The following TAS2R60 variants were observed in gnomAD, a reference collection of about 807,000 sequenced individuals.
The protein encoded by TAS2R60 is taste receptor type 2 member 60.
In TAS2R60, 16 loss-of-function variants were observed where a neutral mutation model predicts 19.5. The ratio of observed to expected loss-of-function variants is 0.82; its 90% CI spans 0.55 to 1.24. The LOEUF (loss-of-function observed/expected upper bound fraction) is 1.24. Ranked by LOEUF, TAS2R60 falls within the 50% of genes most tolerant of loss-of-function variation. The pLI, the probability that TAS2R60 is intolerant of heterozygous loss-of-function variation, is 0.00. For synonymous variants in TAS2R60, 141 were observed against 143.3 expected (o/e 0.98, Z 0.11); for missense variants, 362 against 382.7 (o/e 0.95, Z 0.45).
chr7:143,443,720 A>C lies in TAS2R60; in HGVS notation c.268A>C (p.Asn90His), dbSNP rs1331421465. Residue 90 changes from asparagine (N) to histidine (H), a missense_variant, in exon 1 of 1, where the codon AAC becomes CAC. By Grantham distance (68) the Asn-to-His change is moderately conservative. Transcript: ENST00000332690. ...VFLHPMAFPY[N>H]PVLQFLAFQW... is the part of the protein sequence containing the mutation. ...CTTGCATCCGATGGCCTTCCCATAC[A>C]ACCCTGTACTGCAGTTTCTAGCTTT... The C allele has an allele frequency of 6.2e-7, 1 of 1,614,156 alleles. No individual in the cohort carries two copies. The highest frequency in any genetic ancestry group is 1.3e-5 in the African/African-American group (1 of 75,016).
At position 143,444,225 on chromosome 7, in the gene TAS2R60, C is replaced by T; in HGVS notation, c.773C>T (p.Ser258Leu). ...ALLSFAMLFI[S>L]YFLSLVFSAA... ...CTCTCTTTTGCCATGCTCTTCATCT[C>T]ATATTTCCTGTCACTGGTGTTCAGT... The change falls in exon 1 of 1, where the codon TCA becomes TTA. Residue 258 changes from serine to leucine, a missense_variant. By Grantham distance (145) the Ser-to-Leu change is moderately radical (BLOSUM62 -2). Transcript: ENST00000332690. The T allele has an allele frequency of 6.2e-7, 1 of 1,614,162 alleles. No individual in the cohort carries two copies. The highest frequency in any genetic ancestry group is 8.5e-7 in the Non-Finnish European group (1 of 1,180,038).
the TAS2R60 span, chr7:143,443,660 C>T: frequency 6.2e-7 from 1 of 1,614,132 alleles, no homozygotes; most frequent in Admixed American, 1.7e-5. Flanking sequence ...CTTCTGTCTG[C>T]AGTCAGTGGT....
rs535583913 is a variant in TAS2R60 at position 143,443,847 on chromosome 7, G to C, written c.395G>C (p.Trp132Ser). ...IATFTHPVFF[W>S]LKHKLSGWLP... ...ACCTTCACCCACCCTGTCTTCTTCT[G>C]GCTAAAGCACAAGTTGTCTGGGTGG... is the stretch of plus-strand genomic sequence containing the variant. The change falls in exon 1 of 1, where the codon TGG becomes TCG. Residue 132 changes from tryptophan to serine, a missense_variant. Coordinates refer to ENST00000332690, the MANE Select transcript of TAS2R60 (RefSeq NM_177437.1). The C allele has an allele frequency of 3.2e-5, 51 of 1,612,890 alleles. No individual in the cohort carries two copies. In the South Asian group the frequency reaches 5.1e-4, roughly 16 times the overall value.
rs1806407518 is a variant in TAS2R60, at chr7:143,443,878, A to G, written c.426A>G (p.Pro142=). 6.2e-7 allele frequency: 1 copy of G among 1,613,764 alleles called. No homozygotes were observed. Residue 142 remains proline, a synonymous_variant, in exon 1 of 1, where the codon CCA becomes CCG. Transcript: ENST00000332690. ...WLKHKLSGWL[P]WMLFSSVGLS... The stretch of plus-strand genomic sequence containing the variant: ...AGCACAAGTTGTCTGGGTGGCTACC[A>G]TGGATGCTCTTCAGCTCTGTAGGGC...
rs1384690418 is a variant in TAS2R60 at position 143,444,257 on chromosome 7, G to T, written c.805G>T (p.Gly269Cys). Residue 269 changes from glycine to cysteine, a missense_variant, in exon 1 of 1, where the codon GGT (glycine) becomes TGT (cysteine). Physicochemically the swap from Gly to Cys is radical, Grantham distance 159 (BLOSUM62 -3). Transcript: ENST00000332690. The part of the protein sequence containing the change: ...YFLSLVFSAA[G>C]IFPPLDFKFW... Reference sequence around the variant, plus strand: ...CCTGTCACTGGTGTTCAGTGCTGCAGGTATTTTTCCACCTCTGGACTTTAA... The same window carrying T: ...CCTGTCACTGGTGTTCAGTGCTGCATGTATTTTTCCACCTCTGGACTTTAA... The T allele has an allele frequency of 1.9e-6, 3 of 1,613,986 alleles. No homozygotes were observed. The African/African-American group carries it at 4.0e-5, about 22-fold the overall frequency.
Position 143,443,467 on chromosome 7 carries a change from C to T in TAS2R60, c.15C>T (p.His5=). MNGD[H]MVLGSSVTDK... Reference sequence around the variant, plus strand: ...CCACCAGAGAGATGAATGGAGACCACATGGTTCTAGGATCTTCGGTGACTG... The same window carrying T: ...CCACCAGAGAGATGAATGGAGACCATATGGTTCTAGGATCTTCGGTGACTG... The change falls in exon 1 of 1, where the codon CAC becomes CAT. Residue 5 remains histidine, a synonymous_variant. Transcript: ENST00000332690. The T allele has an allele frequency of 6.2e-7, 1 of 1,608,880 alleles. No individual in the cohort carries two copies. The highest frequency in any genetic ancestry group is 1.1e-5 in the South Asian group (1 of 90,084).
rs148979644 is a variant in TAS2R60 at position 143,443,648 on chromosome 7, C to T, written c.196C>T (p.Arg66Cys). ...GTTATTGGTTAGCCTAGGGGCCTCT[C>T]GCTTCTGTCTGCAGTCAGTGGTAAT... ...DKLLVSLGAS[R>C]FCLQSVVMGK... The change falls in exon 1 of 1, where the codon CGC becomes TGC. Residue 66 changes from arginine (R) to cysteine (C), a missense_variant. Physicochemically the swap from Arg to Cys is radical, Grantham distance 180. Transcript: ENST00000332690. The T allele has an allele frequency of 1.2e-5, 20 of 1,614,114 alleles. No individual in the cohort carries two copies. The African/African-American group carries it at 1.3e-4, about 11-fold the overall frequency.
Position 143,444,294 on chromosome 7 carries a change from G to C in TAS2R60, c.842G>C (p.Trp281Ser), listed in dbSNP as rs1485424360. Residue 281 changes from tryptophan to serine, a missense_variant, in exon 1 of 1, where the codon TGG becomes TCG. Coordinates refer to ENST00000332690, the MANE Select transcript of TAS2R60 (RefSeq NM_177437.1). Reference protein sequence around the residue: ...FPPLDFKFWVWESVIYLCAAV... With the variant: ...FPPLDFKFWVSESVIYLCAAV... ...CCTCTGGACTTTAAATTCTGGGTGTGGGAGTCAGTGATTTATCTGTGTGCA... is the reference window on the plus strand; with the variant it reads ...CCTCTGGACTTTAAATTCTGGGTGTCGGAGTCAGTGATTTATCTGTGTGCA... The C allele has an allele frequency of 6.2e-7, 1 of 1,614,030 alleles. No individual in the cohort carries two copies.
Position 143,443,650 on chromosome 7 carries a change from C to T in TAS2R60, c.198C>T (p.Arg66=), listed in dbSNP as rs779127762. 10 of 1,614,114 alleles carry T rather than the reference C, an allele frequency of 6.2e-6. No individual in the cohort carries two copies. In the South Asian group the frequency reaches 9.9e-5, roughly 16 times the overall value. The change falls in exon 1 of 1, where the codon CGC becomes CGT. Residue 66 remains arginine (R), a synonymous_variant. Coordinates refer to ENST00000332690, the MANE Select transcript of TAS2R60 (RefSeq NM_177437.1). ...TATTGGTTAGCCTAGGGGCCTCTCG[C>T]TTCTGTCTGCAGTCAGTGGTAATGG... is the stretch of plus-strand genomic sequence containing the variant. ...DKLLVSLGAS[R]FCLQSVVMGK...
At position 143,443,692 on chromosome 7, in the gene TAS2R60, T is replaced by G; in HGVS notation, c.240T>G (p.Val80=). 1 of 1,614,146 alleles carries G rather than the reference T, an allele frequency of 6.2e-7. No homozygotes were observed. The highest frequency in any genetic ancestry group is 8.5e-7 in the Non-Finnish European group (1 of 1,180,018). The change falls in exon 1 of 1, where the codon GTT becomes GTG. Residue 80 remains valine (V), a synonymous_variant. Coordinates refer to ENST00000332690, the MANE Select transcript of TAS2R60 (RefSeq NM_177437.1). ...QSVVMGKTIY[V]FLHPMAFPYN... ...TGGTAATGGGTAAGACCATTTATGT[T>G]TTCTTGCATCCGATGGCCTTCCCAT...
chr7:143,443,462 G>T lies in TAS2R60; in HGVS notation c.10G>T (p.Asp4Tyr). MNG[D>Y]HMVLGSSVTD... ...CTTGTCCACCAGAGAGATGAATGGAGACCACATGGTTCTAGGATCTTCGGT... is the reference window on the plus strand; with the variant it reads ...CTTGTCCACCAGAGAGATGAATGGATACCACATGGTTCTAGGATCTTCGGT... Residue 4 changes from aspartate (D) to tyrosine (Y), a missense_variant, in exon 1 of 1, where the codon GAC (aspartate) becomes TAC (tyrosine). By Grantham distance (160) the Asp-to-Tyr change is radical. Transcript: ENST00000332690. 1 of 1,606,660 alleles carries T rather than the reference G, an allele frequency of 6.2e-7. No homozygotes were observed. Among genetic ancestry groups the T allele is most frequent in the South Asian group, 1.1e-5 (1 of 89,726 alleles).
rs575022021 is a variant in TAS2R60 at position 143,443,665 on chromosome 7, A to T, written c.213A>T (p.Ser71=). 6.2e-7 allele frequency: 1 copy of T among 1,614,160 alleles called. No individual in the cohort carries two copies. Among genetic ancestry groups the T allele is most frequent in the South Asian group, 1.1e-5 (1 of 91,076 alleles). Residue 71 remains serine, a synonymous_variant, in exon 1 of 1, where the codon TCA becomes TCT. Coordinates refer to ENST00000332690, the MANE Select transcript of TAS2R60 (RefSeq NM_177437.1). ...GGGCCTCTCGCTTCTGTCTGCAGTC[A>T]GTGGTAATGGGTAAGACCATTTATG... ...SLGASRFCLQ[S]VVMGKTIYVF... is the part of the protein sequence containing the mutation.
chr7:143,443,928 T>G lies in TAS2R60; in HGVS notation c.476T>G (p.Phe159Cys). ...CTCTCCAGCTTCACCACCATTCTAT[T>G]TTTCATAGGCAACCACAGAATGTAT... ...VGLSSFTTIL[F>C]FIGNHRMYQN... Residue 159 changes from phenylalanine (F) to cysteine (C), a missense_variant, in exon 1 of 1, where the codon TTT becomes TGT. By Grantham distance (205) the Phe-to-Cys change is radical. Transcript: ENST00000332690. 6.2e-7 allele frequency: 1 copy of G among 1,614,118 alleles called. No homozygotes were observed. Among genetic ancestry groups the G allele is most frequent in the Non-Finnish European group, 8.5e-7 (1 of 1,180,032 alleles).
At position 143,443,684 on chromosome 7, in the gene TAS2R60, A is replaced by T. The variant is rs1806402828; in HGVS notation, c.232A>T (p.Ile78Phe). ...CLQSVVMGKT[I>F]YVFLHPMAFP... is the part of the protein sequence containing the mutation. ...GCAGTCAGTGGTAATGGGTAAGACC[A>T]TTTATGTTTTCTTGCATCCGATGGC... The change falls in exon 1 of 1, where the codon ATT becomes TTT. Residue 78 changes from isoleucine (I) to phenylalanine (F), a missense_variant. By Grantham distance (21) the Ile-to-Phe change is conservative. Coordinates refer to ENST00000332690, the MANE Select transcript of TAS2R60 (RefSeq NM_177437.1). The T allele has an allele frequency of 6.2e-7, 1 of 1,614,000 alleles. No individual in the cohort carries two copies. The highest frequency in any genetic ancestry group is 1.3e-5 in the African/African-American group (1 of 74,898).
rs1806409824 is a variant in TAS2R60, at chr7:143,443,936, G to A, written c.484G>A (p.Gly162Ser). 3.1e-6 allele frequency: 5 copies of A among 1,614,018 alleles called. No homozygotes were observed. The highest frequency in any genetic ancestry group is 1.1e-5 in the South Asian group (1 of 91,074). Residue 162 changes from glycine to serine, a missense_variant, in exon 1 of 1, where the codon GGC becomes AGC. Coordinates refer to ENST00000332690, the MANE Select transcript of TAS2R60 (RefSeq NM_177437.1). ...SSFTTILFFI[G>S]NHRMYQNYLR... Reference sequence around the variant, plus strand: ...CTTCACCACCATTCTATTTTTCATAGGCAACCACAGAATGTATCAGAACTA... The same window carrying A: ...CTTCACCACCATTCTATTTTTCATAAGCAACCACAGAATGTATCAGAACTA...
At position 143,443,844 on chromosome 7, in the gene TAS2R60, T is replaced by C; in HGVS notation, c.392T>C (p.Phe131Ser). Residue 131 changes from phenylalanine (F) to serine (S), a missense_variant, in exon 1 of 1, where the codon TTC (phenylalanine) becomes TCC (serine). Transcript: ENST00000332690. The stretch of plus-strand genomic sequence containing the variant: ...GCTACCTTCACCCACCCTGTCTTCT[T>C]CTGGCTAAAGCACAAGTTGTCTGGG... ...KIATFTHPVF[F>S]WLKHKLSGWL... The C allele has an allele frequency of 3.1e-6, 5 of 1,610,574 alleles. No homozygotes were observed. The South Asian group carries it at 4.4e-5, about 14-fold the overall frequency.
Position 143,444,192 on chromosome 7 carries a change from T to A in TAS2R60, c.740T>A (p.Leu247Gln). The A allele has an allele frequency of 1.2e-6, 2 of 1,614,244 alleles. No individual in the cohort carries two copies. Among genetic ancestry groups the A allele is most frequent in the Non-Finnish European group, 1.7e-6 (2 of 1,180,036 alleles). ...GTGCAGGCACACATAAAGGCTCTGC[T>A]GGCTCTCCTCTCTTTTGCCATGCTC... is the stretch of plus-strand genomic sequence containing the variant. ...PSVQAHIKAL[L>Q]ALLSFAMLFI... Residue 247 changes from leucine to glutamine, a missense_variant, in exon 1 of 1, where the codon CTG (leucine) becomes CAG (glutamine). Transcript: ENST00000332690.
chr7:143,444,067 CA>C, the TAS2R60 span: 1 of 1,614,172 alleles, frequency 6.2e-7, no homozygotes, highest in Non-Finnish European at 8.5e-7. Flanking sequence ...GGACAATGCC[CA>C]CTGCTGTCTT....
rs576422213 is a variant in TAS2R60 at position 143,443,998 on chromosome 7, C to A, written c.546C>A (p.Gly182=). ...RNHLQPWNVT[G]DSIRSYCEKF... ...ATCTACAACCTTGGAATGTCACTGG[C>A]GATAGCATACGGAGCTACTGTGAGA... Residue 182 remains glycine, a synonymous_variant, in exon 1 of 1, where the codon GGC becomes GGA. Coordinates refer to ENST00000332690, the MANE Select transcript of TAS2R60 (RefSeq NM_177437.1). 10 of 1,614,022 alleles carry A rather than the reference C, an allele frequency of 6.2e-6. No homozygotes were observed. The highest frequency in any genetic ancestry group is 7.6e-6 in the Non-Finnish European group (9 of 1,180,022).
Sources: allele counts gnomAD v4.1 joint callset, GRCh38; gene constraint gnomAD v4.1.1; transcripts MANE v1.5; gene names NCBI Gene and HGNC (gene_info 2026-07-23, HGNC 2026-07-21).